Variants in SLC27A6 observed in about 807,000 individuals in gnomAD.
SLC27A6 encodes long-chain fatty acid transport protein 6.
In SLC27A6, 74 loss-of-function variants were observed where a neutral mutation model predicts 63.9. The observed-to-expected ratio is 1.16, with a 90% CI of 0.96 to 1.40. The LOEUF is 1.40. SLC27A6 is among the 40% of genes most tolerant of loss of function. The pLI is 0.00. For missense variants in SLC27A6, 794 were observed against 732.9 expected (o/e 1.08, Z -0.96); for synonymous variants, 287 against 260.8 (o/e 1.10, Z -0.97).
At chr5:129,000,027 G>T (rs190643086) in intron 4 of SLC27A6, among the ~76,000 whole-genome samples, 2 of 152,178 alleles carry the variant, frequency 1.3e-5, no homozygotes, top group African/African-American at 4.8e-5. Flanking sequence ...GAAAGTTCCT[G>T]GGCATTTAGG....
intron 4 of SLC27A6, among the ~76,000 whole-genome samples, chr5:128,996,879 C>T (rs879763192): frequency 2.0e-5 from 3 of 152,204 alleles, no homozygotes. Flanking sequence ...TCATTTGTTT[C>T]GCCAGTTACT....
chr5:129,027,089 T>C (rs1361838822), intron 6 of SLC27A6, 44 bp from the exon 7 acceptor site: 1 of 1,484,454 alleles, frequency 6.7e-7, no homozygotes, highest in African/African-American at 1.4e-5. Context: ...TGTGTAACAA[T>C]AGTTTTAATC....
rs150107233 is a variant in SLC27A6 at position 128,983,228 on chromosome 5, T to C, written c.482-1905T>C. On this transcript the variant is annotated intron_variant, in intron 1 of 9. Coordinates refer to ENST00000262462, the MANE Select transcript of SLC27A6 (RefSeq NM_001017372.3). Reference sequence around the variant, plus strand: ...TTTCCTGAAAAAATTAGAAAAAATATAATTGCTTTAGGTGTAAAGGTCCAC... The same window carrying C: ...TTTCCTGAAAAAATTAGAAAAAATACAATTGCTTTAGGTGTAAAGGTCCAC... Among the ~76,000 whole-genome samples, 866 of 152,088 alleles carry C rather than the reference T, an allele frequency of 5.7e-3. 8 individuals carry two copies. The highest frequency in any genetic ancestry group is 0.012 in the Admixed American group (185 of 15,262).
chr5:128,988,045 G>A (rs1475075089), intron 2 of SLC27A6, among the ~76,000 whole-genome samples: 1 of 151,926 alleles, frequency 6.6e-6, no homozygotes, highest in Non-Finnish European at 1.5e-5. Flanking sequence ...AAAAAAAATA[G>A]AAATACCATG....
intron 5 of SLC27A6, among the ~76,000 whole-genome samples, chr5:129,016,766 G>A (rs1364214506): frequency 3.3e-5 from 5 of 151,394 alleles, no homozygotes; most frequent in South Asian, 2.1e-4. Flanking sequence ...ATCTTTCATC[G>A]TTTATACCAC....
chr5:128,969,761 C>G (rs1407823015), intron 1 of SLC27A6, among the ~76,000 whole-genome samples: 3 of 152,292 alleles, frequency 2.0e-5, no homozygotes, highest in East Asian at 3.9e-4. Context: ...TTATTTCTTT[C>G]TCCTGCCTGA....
At chr5:129,019,086 A>T (rs1299111036) in intron 5 of SLC27A6, among the ~76,000 whole-genome samples, 2 of 152,144 alleles carry the variant, frequency 1.3e-5, no homozygotes, top group Non-Finnish European at 2.9e-5. Context: ...ATAAAATGTT[A>T]CAAGTGAAGG....
chr5:128,986,716 T>C lies in SLC27A6; in HGVS notation c.685+1380T>C, dbSNP rs189573270. On this transcript the variant is annotated intron_variant, in intron 2 of 9. Coordinates refer to ENST00000262462, the MANE Select transcript of SLC27A6 (RefSeq NM_001017372.3). Reference sequence around the variant, plus strand: ...CAGGTCTATTGAATAATAACAGGTCTAGAAGTTGGCAGATTGAACAGATAC... The same window carrying C: ...CAGGTCTATTGAATAATAACAGGTCCAGAAGTTGGCAGATTGAACAGATAC... Among the ~76,000 whole-genome samples, 7 of 152,278 alleles carry C rather than the reference T, an allele frequency of 4.6e-5. No individual in the cohort carries two copies. The East Asian group carries it at 1.4e-3, about 29-fold the overall frequency.
intron 1 of SLC27A6, among the ~76,000 whole-genome samples, chr5:128,967,129 C>A (rs1749934825): frequency 6.6e-6 from 1 of 152,206 alleles, no homozygotes; most frequent in South Asian, 2.1e-4. Context: ...TGCGCTCCCA[C>A]CTGTGAGCCA....
chr5:129,030,012 G>C, intron 9 of SLC27A6, among the ~76,000 whole-genome samples: 1 of 151,924 alleles, frequency 6.6e-6, no homozygotes, highest in Non-Finnish European at 1.5e-5. Flanking sequence ...CTTTTATCTT[G>C]CGAAGACATT....
intron 6 of SLC27A6, among the ~76,000 whole-genome samples, chr5:129,025,463 C>T (rs1036951334): frequency 4.0e-5 from 6 of 151,760 alleles, no homozygotes; most frequent in Non-Finnish European, 7.4e-5. Flanking sequence ...TATATATATA[C>T]TCCGACTCCT....
intron 4 of SLC27A6, among the ~76,000 whole-genome samples, chr5:128,995,937 G>C (rs1262522461): frequency 2.0e-5 from 3 of 152,098 alleles, no homozygotes; most frequent in African/African-American, 4.8e-5. Flanking sequence ...TAGAATCAAG[G>C]ATAAGTCCCA....
intron 4 of SLC27A6, 62 bp downstream of exon 4, chr5:128,990,526 G>C (rs1312493571): frequency 4.0e-6 from 6 of 1,485,548 alleles, no homozygotes; most frequent in African/African-American, 2.8e-5. Context: ...GATAGAAAAG[G>C]TTATTTTTAT....
At chr5:129,025,758 T>C (rs1295167320) in intron 6 of SLC27A6, among the ~76,000 whole-genome samples, 1 of 152,114 alleles carries the variant, frequency 6.6e-6, no homozygotes, top group Non-Finnish European at 1.5e-5. Flanking sequence ...ATCAGACTGC[T>C]GGGGCAGAGA....
chr5:129,000,090 G>C (rs1236824508), intron 4 of SLC27A6, among the ~76,000 whole-genome samples: 1 of 152,146 alleles, frequency 6.6e-6, no homozygotes, highest in Non-Finnish European at 1.5e-5. Flanking sequence ...AGAGCACTGG[G>C]CATTCTCATC....
intron 1 of SLC27A6, among the ~76,000 whole-genome samples, chr5:128,974,808 A>G (rs1247079615): frequency 6.6e-6 from 1 of 152,220 alleles, no homozygotes; most frequent in Non-Finnish European, 1.5e-5. Flanking sequence ...TAAAATGGTG[A>G]TGATACCATC....
At chr5:129,030,306 C>A (rs533442472) in intron 9 of SLC27A6, among the ~76,000 whole-genome samples, 1 of 152,100 alleles carries the variant, frequency 6.6e-6, no homozygotes, top group African/African-American at 2.4e-5. Flanking sequence ...TTTATTCAAC[C>A]ATTCATGTAT....
chr5:128,991,346 C>T (rs914237598), intron 4 of SLC27A6, among the ~76,000 whole-genome samples: 2 of 152,128 alleles, frequency 1.3e-5, no homozygotes, highest in Non-Finnish European at 2.9e-5. Flanking sequence ...CTCTCACCTT[C>T]TTTCAGAACA....
chr5:129,027,182 T>C lies in SLC27A6; in HGVS notation c.1305T>C (p.Phe435=), dbSNP rs368988238. 3 of 1,613,418 alleles carry C rather than the reference T, an allele frequency of 1.9e-6. No homozygotes were observed. The African/African-American group carries it at 4.0e-5, about 22-fold the overall frequency. The part of the protein sequence containing the change: ...ISRVNAKNPF[F]GYAGPYKHTK... Reference sequence around the variant, plus strand: ...GAGTGAATGCAAAAAATCCCTTCTTTGGCTATGCTGGGCCTTATAAGCACA... The same window carrying C: ...GAGTGAATGCAAAAAATCCCTTCTTCGGCTATGCTGGGCCTTATAAGCACA... The change falls in exon 7 of 10, where the codon TTT becomes TTC. Residue 435 remains phenylalanine, a synonymous_variant. Coordinates refer to ENST00000262462, the MANE Select transcript of SLC27A6 (RefSeq NM_001017372.3).
Sources: gnomAD v4.1 joint callset for allele counts (sites outside exome capture counted in the v4.1 genomes callset) on GRCh38, gnomAD v4.1.1 for gene constraint, MANE v1.5 for transcripts, NCBI Gene and HGNC (gene_info 2026-07-23, HGNC 2026-07-21) for gene names.